SMG6: variants seen among roughly 807,000 people sequenced by gnomAD.
SMG6 encodes telomerase-binding protein EST1A.
A neutral mutation model predicts 142.2 loss-of-function variants in SMG6; 66 were observed. That is an observed-to-expected ratio of 0.46 (90% CI 0.38 to 0.57). The LOEUF (loss-of-function observed/expected upper bound fraction) is 0.57. SMG6 is among the 20% of genes least tolerant of loss of function. The pLI, the probability that SMG6 is intolerant of heterozygous loss-of-function variation, is 0.00. For synonymous variants in SMG6, 779 were observed against 702.4 expected, an observed-to-expected ratio of 1.11 and a Z score of -1.72; for missense variants, 1,793 against 1,832.0, an observed-to-expected ratio of 0.98 and a Z score of 0.39.
chr17:2,192,432 C>A (rs912186611), intron 10 of SMG6, among the ~76,000 whole-genome samples: 2 of 152,208 alleles, frequency 1.3e-5, no homozygotes, highest in African/African-American at 4.8e-5. Flanking sequence ...GTCTGATGCT[C>A]TGATAGCAGC....
chr17:2,161,727 A>AG (rs2151626439), intron 13 of SMG6, among the ~76,000 whole-genome samples: 1 of 152,188 alleles, frequency 6.6e-6, no homozygotes, highest in East Asian at 1.9e-4. Flanking sequence ...CTAAAAAAAA[A>AG]AAAAATCAAA....
At chr17:2,092,064 C>A (rs959351096) in intron 13 of SMG6, among the ~76,000 whole-genome samples, 1 of 151,840 alleles carries the variant, frequency 6.6e-6, no homozygotes, top group East Asian at 1.9e-4. Context: ...CAGCTCACTG[C>A]AACCTCCGCC....
rs541701300 is a variant in SMG6 at position 2,097,106 on chromosome 17, T to C, written c.3358-11205A>G. On this transcript the variant is annotated intron_variant, in intron 13 of 18. Transcript: ENST00000263073. ...AGGACTCAAGGCCCTGGAGTAGTTT[T>C]TAAAATCAATCATTACTTAACATTG... Among the ~76,000 whole-genome samples, 11 of 152,348 alleles carry C rather than the reference T, an allele frequency of 7.2e-5. No individual in the cohort carries two copies. In the South Asian group the frequency reaches 2.3e-3, roughly 32 times the overall value.
At chr17:2,095,949 G>A (rs1311211138) in intron 13 of SMG6, among the ~76,000 whole-genome samples, 1 of 149,868 alleles carries the variant, frequency 6.7e-6, no homozygotes, top group Non-Finnish European at 1.5e-5. Flanking sequence ...CAGGCTGTCT[G>A]CTTCCCCTGG....
chr17:2,252,589 A>G (rs1428240362), intron 8 of SMG6, among the ~76,000 whole-genome samples: 1 of 152,244 alleles, frequency 6.6e-6, no homozygotes, highest in Non-Finnish European at 1.5e-5. Context: ...AGGAAGTCAC[A>G]TAAATCTTCT....
intron 13 of SMG6, among the ~76,000 whole-genome samples, chr17:2,132,734 G>A (rs2070163166): frequency 1.3e-5 from 2 of 152,162 alleles, no homozygotes; most frequent in African/African-American, 4.8e-5. Context: ...AGGTCTGAGA[G>A]AGTGACAGAA....
At chr17:2,070,139 AG>A (rs1312388632) in intron 15 of SMG6, among the ~76,000 whole-genome samples, 3 of 152,168 alleles carry the variant, frequency 2.0e-5, no homozygotes, top group African/African-American at 7.2e-5. Context: ...CACATTTCTC[AG>A]GGAAGTTCCC....
chr17:2,192,436 T>G (rs965959764), intron 10 of SMG6, among the ~76,000 whole-genome samples: 6 of 152,162 alleles, frequency 3.9e-5, no homozygotes, highest in Non-Finnish European at 5.9e-5. Flanking sequence ...GATGCTCTGA[T>G]AGCAGCAGAG....
intron 8 of SMG6, among the ~76,000 whole-genome samples, chr17:2,262,545 G>A (rs2151336441): frequency 1.3e-5 from 2 of 152,276 alleles, no homozygotes; most frequent in South Asian, 4.1e-4. Context: ...TATCCATGTT[G>A]TTCCTTCTGC....
chr17:2,277,385 C>G (rs1435767077), intron 8 of SMG6, among the ~76,000 whole-genome samples: 1 of 151,964 alleles, frequency 6.6e-6, no homozygotes, highest in Non-Finnish European at 1.5e-5. Flanking sequence ...CCAGGATGGT[C>G]TCGATCTCCT....
intron 8 of SMG6, among the ~76,000 whole-genome samples, chr17:2,268,769 G>A (rs190523331): frequency 9.3e-5 from 14 of 150,724 alleles, no homozygotes; most frequent in Admixed American, 2.7e-4. Flanking sequence ...AAAATTAGCC[G>A]GGCATGGTGG....
chr17:2,225,339 G>GAA (rs1299267889), intron 10 of SMG6, among the ~76,000 whole-genome samples: 23 of 134,330 alleles, frequency 1.7e-4, no homozygotes, highest in East Asian at 8.6e-4. Flanking sequence ...AAGAAAAAAA[G>GAA]AAAAAAAAAA....
At position 2,222,998 on chromosome 17, in the gene SMG6, TGATAACAG is replaced by T. The variant is rs773265938; in HGVS notation, c.2869+13486_2869+13493del. Among the ~76,000 whole-genome samples, 214 of 152,262 alleles carry T rather than the reference TGATAACAG, an allele frequency of 1.4e-3. 1 individual carries two copies. The highest frequency in any genetic ancestry group is 2.1e-3 in the Non-Finnish European group (144 of 68,018). ...AAAAGAGGTTATGTGGAACAGACAG[TGATAACAG>T]GATGACGTCACAGGTGTGCCTCAAA... is the stretch of plus-strand genomic sequence containing the variant. On this transcript the variant is annotated intron_variant, in intron 10 of 18. Coordinates refer to ENST00000263073, the MANE Select transcript of SMG6 (RefSeq NM_017575.5).
At chr17:2,208,098 C>A in intron 10 of SMG6, among the ~76,000 whole-genome samples, 1 of 152,056 alleles carries the variant, frequency 6.6e-6, no homozygotes, top group East Asian at 1.9e-4. Context: ...CACCGCACTC[C>A]AGCCTGGGCG....
At chr17:2,075,501 C>G (rs2068232419) in intron 15 of SMG6, among the ~76,000 whole-genome samples, 1 of 152,184 alleles carries the variant, frequency 6.6e-6, no homozygotes, top group South Asian at 2.1e-4. Context: ...CAGCACAAAT[C>G]ACAGCAAAGC....
At chr17:2,105,045 C>A (rs749438870) in intron 13 of SMG6, among the ~76,000 whole-genome samples, 14 of 149,638 alleles carry the variant, frequency 9.4e-5, no homozygotes, top group Non-Finnish European at 1.9e-4. Context: ...GCCTCCTGAA[C>A]ATCTAGGACT....
In SMG6 at chr17:2,294,490, G is replaced by A. The variant is rs140227263; in HGVS notation, c.2152-1513C>T. 2.2e-3 allele frequency among the ~76,000 whole-genome samples: 328 copies of A among 152,280 alleles called. 1 individual carries two copies. The highest frequency in any genetic ancestry group is 7.6e-3 in the African/African-American group (314 of 41,560). ...ATTCCCGGTCACTTTCTGTACCTCA[G>A]TCAGACCAGACTCCAAAGTTCCCCT... On this transcript the variant is annotated intron_variant, in intron 4 of 18. Transcript: ENST00000263073.
chr17:2,130,285 G>C (rs2957923), intron 13 of SMG6, among the ~76,000 whole-genome samples: 16 of 82,034 alleles, frequency 2.0e-4, no homozygotes, highest in Non-Finnish European at 1.0e-4. Context: ...AAAAAAAAAA[G>C]AAACAGCATT....
At chr17:2,129,655 G>GT (rs1385539305) in intron 13 of SMG6, among the ~76,000 whole-genome samples, 2 of 151,564 alleles carry the variant, frequency 1.3e-5, no homozygotes, top group Admixed American at 6.6e-5. Flanking sequence ...TCAGCCTGGC[G>GT]TGGTGGTGCG....
Sources: gnomAD v4.1 joint callset for allele counts (sites outside exome capture counted in the v4.1 genomes callset) on GRCh38, gnomAD v4.1.1 for gene constraint, MANE v1.5 for transcripts, NCBI Gene and HGNC (gene_info 2026-07-23, HGNC 2026-07-21) for gene names.